Variants in LRGUK observed in about 807,000 individuals in gnomAD.
LRGUK encodes leucine rich repeats and guanylate kinase domain containing.
In LRGUK, 65 loss-of-function variants were observed where a neutral mutation model predicts 76.0. The observed-to-expected ratio is 0.85, with a 90% CI of 0.70 to 1.05. LRGUK has a LOEUF of 1.05. Ranked by LOEUF, LRGUK falls within the 50% of genes least tolerant of loss-of-function variation. The pLI, the probability that LRGUK is intolerant of heterozygous loss-of-function variation, is 0.00. For synonymous variants in LRGUK, 268 were observed against 265.6 expected, an observed-to-expected ratio of 1.01 and a Z score of -0.09; for missense variants, 758 against 732.8, an observed-to-expected ratio of 1.03 and a Z score of -0.40.
intron 15 of LRGUK, among the ~76,000 whole-genome samples, chr7:134,202,419 G>A (rs546144630): frequency 3.4e-4 from 52 of 152,188 alleles, no homozygotes; most frequent in South Asian, 6.2e-4. Context: ...GCTCCTGTGG[G>A]AAACAGTATG....
chr7:134,211,039 A>G (rs1435721145), downstream of LRGUK, among the ~76,000 whole-genome samples: 1 of 152,228 alleles, frequency 6.6e-6, no homozygotes, highest in Non-Finnish European at 1.5e-5. Flanking sequence ...ACGACCAGCT[A>G]TGGCTGGGTC....
At chr7:134,247,408 G>T in intron 16 of LRGUK, 148 bp from the exon 17 acceptor site, 1 of 515,932 alleles carries the variant, frequency 1.9e-6, no homozygotes, top group South Asian at 3.5e-5. Flanking sequence ...TTTTTCCTGA[G>T]TGAATATCAA....
chr7:134,210,507 A>G (rs1175471086), downstream of LRGUK, among the ~76,000 whole-genome samples: 1 of 152,048 alleles, frequency 6.6e-6, no homozygotes, highest in Non-Finnish European at 1.5e-5. Flanking sequence ...GGGTTATCTC[A>G]AGAAAATAAA....
intron 15 of LRGUK, among the ~76,000 whole-genome samples, chr7:134,216,357 AC>A (rs1239960495): frequency 6.6e-6 from 1 of 152,166 alleles, no homozygotes; most frequent in Non-Finnish European, 1.5e-5. Flanking sequence ...AAATTTGATA[AC>A]CTTGATTTAA....
intron 15 of LRGUK, 86 bp from the exon 16 acceptor site, chr7:134,221,693 G>A (rs1249294393): frequency 2.5e-5 from 27 of 1,066,924 alleles, no homozygotes; most frequent in South Asian, 2.5e-5. Flanking sequence ...GTTATGTTTG[G>A]GCAAATAAAA....
chr7:134,154,117 AT>A (rs1202771457), intron 5 of LRGUK, among the ~76,000 whole-genome samples: 1 of 152,188 alleles, frequency 6.6e-6, no homozygotes, highest in Non-Finnish European at 1.5e-5. Flanking sequence ...ACTTTAAAAG[AT>A]TTATTCACAG....
At chr7:134,217,699 T>C (rs989666621) in intron 15 of LRGUK, among the ~76,000 whole-genome samples, 1 of 152,194 alleles carries the variant, frequency 6.6e-6, no homozygotes, top group African/African-American at 2.4e-5. Context: ...CACTTCTTAA[T>C]GAACTAAACT....
At chr7:134,131,495 G>A (rs1013496557) in intron 1 of LRGUK, among the ~76,000 whole-genome samples, 2 of 152,186 alleles carry the variant, frequency 1.3e-5, no homozygotes, top group African/African-American at 4.8e-5. Flanking sequence ...TTGCCTGGGT[G>A]GAGAGGTGGT....
chr7:134,180,612 G>T (rs1018826920), intron 10 of LRGUK, among the ~76,000 whole-genome samples: 1 of 152,014 alleles, frequency 6.6e-6, no homozygotes, highest in Non-Finnish European at 1.5e-5. Context: ...AAAAATCCTA[G>T]ATTGTACCAC....
intron 15 of LRGUK, among the ~76,000 whole-genome samples, chr7:134,202,557 T>A (rs190333723): frequency 6.6e-6 from 1 of 152,324 alleles, no homozygotes; most frequent in Admixed American, 6.5e-5. Flanking sequence ...TTAGCAGCAC[T>A]ATTCACAATA....
exon 18 of LRGUK, chr7:134,249,076 G>A: frequency 6.4e-7 from 1 of 1,559,848 alleles, no homozygotes; most frequent in Non-Finnish European, 8.7e-7. Flanking sequence ...CCTGAAAAGA[G>A]GTGAGTTGAG....
At chr7:134,225,076 G>A (rs533046659) in intron 16 of LRGUK, among the ~76,000 whole-genome samples, 3 of 144,924 alleles carry the variant, frequency 2.1e-5, no homozygotes, top group East Asian at 4.3e-4. Context: ...AAAAAGTGTT[G>A]GTCAAGGGCA....
chr7:134,267,528 T>C (rs575828713), downstream of LRGUK, among the ~76,000 whole-genome samples: 2 of 152,288 alleles, frequency 1.3e-5, no homozygotes, highest in South Asian at 2.1e-4. Context: ...AATTGAATCA[T>C]GGGGCACTTT....
intron 16 of LRGUK, among the ~76,000 whole-genome samples, chr7:134,238,864 T>C (rs1348579577): frequency 6.6e-6 from 1 of 152,238 alleles, no homozygotes. Flanking sequence ...AGTATCAAAA[T>C]ACATGACAGC....
At chr7:134,191,591 G>T in intron 11 of LRGUK, 64 bp from the exon 12 acceptor site, 1 of 1,055,654 alleles carries the variant, frequency 9.5e-7, no homozygotes, top group Admixed American at 2.0e-5. Flanking sequence ...AATTTATATT[G>T]AAACCTTTTC....
rs186731176 is a variant in LRGUK, at chr7:134,131,787, G to A, written c.297+4123G>A. Among the ~76,000 whole-genome samples the A allele has an allele frequency of 7.2e-5, 11 of 152,266 alleles. No homozygotes were observed. The East Asian group carries it at 7.7e-4, about 11-fold the overall frequency. Reference sequence around the variant, plus strand: ...GAATCAGGGACAGATGGAGCTATGCGTTAAGGAGTTGGATATATGAACAAT... The same window carrying A: ...GAATCAGGGACAGATGGAGCTATGCATTAAGGAGTTGGATATATGAACAAT... On this transcript the variant is annotated intron_variant, in intron 1 of 15. Transcript: ENST00000645682.
exon 16 of LRGUK, chr7:134,209,560 G>T (rs945245259): frequency 1.5e-5 from 6 of 399,088 alleles, no homozygotes; most frequent in Middle Eastern, 1.2e-3. Context: ...GGCTGCCCCA[G>T]CCTCAGGTGC....
At chr7:134,150,479 C>CAAAAAAAAAAAAAAAGAAA (rs1798170562) in intron 5 of LRGUK, among the ~76,000 whole-genome samples, 1 of 134,574 alleles carries the variant, frequency 7.4e-6, no homozygotes, top group Non-Finnish European at 1.6e-5. Context: ...AACAAGCAAA[C>CAAAAAAAAAAAAAAAGAAA]AAAAAAAAAA....
chr7:134,241,006 G>A, intron 16 of LRGUK, among the ~76,000 whole-genome samples: 1 of 152,184 alleles, frequency 6.6e-6, no homozygotes. Flanking sequence ...CAAATGCTAA[G>A]AGATTTTGTC....
Sources: gnomAD v4.1 joint callset for allele counts (sites outside exome capture counted in the v4.1 genomes callset) on GRCh38, gnomAD v4.1.1 for gene constraint, MANE v1.5 for transcripts, NCBI Gene and HGNC (gene_info 2026-07-23, HGNC 2026-07-21) for gene names.